Variants in CYP4F11 observed in about 807,000 individuals in gnomAD.
CYP4F11 encodes the protein cytochrome P450 4F11.
CYP4F11 carries 79 observed loss-of-function variants against 62.2 expected under a neutral mutation model. That is an observed-to-expected ratio of 1.27 (90% CI 1.06 to 1.53). The LOEUF (loss-of-function observed/expected upper bound fraction) is 1.53, where lower values mean the gene tolerates loss of function less well. CYP4F11 is among the 40% of genes most tolerant of loss of function. CYP4F11 has a pLI of 0.00. For missense variants in CYP4F11, 777 were observed against 680.5 expected, an observed-to-expected ratio of 1.14 and a Z score of -1.58; for synonymous variants, 290 against 263.7, an observed-to-expected ratio of 1.10 and a Z score of -0.97.
rs1555776572 is a variant in CYP4F11, at chr19:15,912,733, G to GTGTGTGTGTGTA, written c.*998_*999insTACACACACACA. ...TGTGTGTGTGTGTGTGTGTGTGTGT[G>GTGTGTGTGTGTA]TATATGTATATATGTGTGTGTGTGT... is the stretch of plus-strand genomic sequence containing the variant. On this transcript the variant is annotated 3_prime_UTR_variant, in exon 12 of 12. Coordinates refer to ENST00000402119, the MANE Select transcript of CYP4F11 (RefSeq NM_021187.4). 1 of 52,214 alleles carries GTGTGTGTGTGTA rather than the reference G, an allele frequency of 1.9e-5. No individual in the cohort carries two copies. The highest frequency in any genetic ancestry group is 3.4e-5 in the Non-Finnish European group (1 of 29,668). The allele number at this position is 52,214 out of a possible 1,614,324, so 3.2% of individuals were successfully genotyped here. A position where few individuals can be genotyped will look rare whatever the true frequency, so the allele number is the denominator to read the frequency against.
chr19:15,919,261 A>G (rs887487729), intron 8 of CYP4F11, among the ~76,000 whole-genome samples: 2 of 148,302 alleles, frequency 1.3e-5, no homozygotes, highest in Non-Finnish European at 3.0e-5. Flanking sequence ...ATTAAAATAT[A>G]TAAATATGTA....
In CYP4F11 at chr19:15,914,321, A is replaced by G. The variant is rs745417991; in HGVS notation, c.1381T>C (p.Phe461Leu). Residue 461 changes from phenylalanine to leucine, a missense_variant, in exon 11 of 12, where the codon TTC (phenylalanine) becomes CTC (leucine). Phe to Leu is a conservative substitution (Grantham distance 22). Transcript: ENST00000402119. Reference protein sequence around the residue: ...KERSPLAFIPFSAGPRNCIGQ... With the variant: ...KERSPLAFIPLSAGPRNCIGQ... ...CATCCTTACCTGGGCCCTGCCGAGA[A>G]GGGAATAAAAGCCAGAGGTGACCTC... The G allele has an allele frequency of 6.2e-7, 1 of 1,614,028 alleles. No individual in the cohort carries two copies. The highest frequency in any genetic ancestry group is 8.5e-7 in the Non-Finnish European group (1 of 1,179,956).
intron 1 of CYP4F11, among the ~76,000 whole-genome samples, chr19:15,931,396 C>G (rs1471876262): frequency 1.3e-5 from 2 of 151,838 alleles, no homozygotes; most frequent in Non-Finnish European, 2.9e-5. Flanking sequence ...GATCTTTGCT[C>G]TGTGCACCCA....
Position 15,923,964 on chromosome 19 carries a change from A to G in CYP4F11, c.766T>C (p.Phe256Leu). The G allele has an allele frequency of 7.4e-6, 12 of 1,614,184 alleles. No homozygotes were observed. The highest frequency in any genetic ancestry group is 1.0e-5 in the Non-Finnish European group (12 of 1,180,026). Residue 256 changes from phenylalanine (F) to leucine (L), a missense_variant, in exon 6 of 12, where the codon TTC (phenylalanine) becomes CTC (leucine). By Grantham distance (22) the Phe-to-Leu change is conservative. Transcript: ENST00000402119. ...LYYLTPDGQR[F>L]RRACHLVHDF... ...TGCACCAGGTGGCAGGCCCTGCGGAAGCGCTGCCCATCAGGAGTGAGATAA... is the reference window on the plus strand; with the variant it reads ...TGCACCAGGTGGCAGGCCCTGCGGAGGCGCTGCCCATCAGGAGTGAGATAA...
intron 4 of CYP4F11, among the ~76,000 whole-genome samples, chr19:15,925,920 T>G (rs2089665612): frequency 6.6e-6 from 1 of 151,568 alleles, no homozygotes; most frequent in Non-Finnish European, 1.5e-5. Context: ...ATTCCAACAC[T>G]TTGGGAGGCC....
intron 2 of CYP4F11, among the ~76,000 whole-genome samples, chr19:15,929,190 G>A (rs2089691694): frequency 6.6e-6 from 1 of 152,156 alleles, no homozygotes; most frequent in African/African-American, 2.4e-5. Context: ...CAAGCACGGG[G>A]CTTTCTCGAG....
chr19:15,913,684 T>G lies in CYP4F11; in HGVS notation c.*48A>C. The stretch of plus-strand genomic sequence containing the variant: ...CGAGGCTCAAGCAGAGGTGTCAGCA[T>G]AGTTTTGTTTCTGGGACTCTACAGA... On this transcript the variant is annotated 3_prime_UTR_variant, in exon 12 of 12. Coordinates refer to ENST00000402119, the MANE Select transcript of CYP4F11 (RefSeq NM_021187.4). 1 of 1,609,432 alleles carries G rather than the reference T, an allele frequency of 6.2e-7. No individual in the cohort carries two copies. The highest frequency in any genetic ancestry group is 8.5e-7 in the Non-Finnish European group (1 of 1,176,536).
rs370901358 is a variant in CYP4F11 at position 15,934,297 on chromosome 19, T to C, written c.112A>G (p.Thr38Ala). Residue 38 changes from threonine to alanine, a missense_variant, in exon 1 of 12, where the codon ACC (threonine) becomes GCC (alanine). Coordinates refer to ENST00000402119, the MANE Select transcript of CYP4F11 (RefSeq NM_021187.4). The part of the protein sequence containing the change: ...SWLLARVLAW[T>A]YTFYDNCRRL... ...CGGCAGTTGTCATAGAAGGTGTAGG[T>C]CCAGGCCAGGACGCGGGCCAGGAGC... The C allele has an allele frequency of 8.7e-6, 14 of 1,613,382 alleles. No individual in the cohort carries two copies. The African/African-American group carries it at 1.6e-4, about 18-fold the overall frequency.
Position 15,914,342 on chromosome 19 carries a change from A to G in CYP4F11, c.1360T>C (p.Ser454Pro), listed in dbSNP as rs2089563922. 1 of 1,613,688 alleles carries G rather than the reference A, an allele frequency of 6.2e-7. No homozygotes were observed. The highest frequency in any genetic ancestry group is 1.1e-5 in the South Asian group (1 of 91,048). Residue 454 changes from serine (S) to proline (P), a missense_variant, in exon 11 of 12, where the codon TCA becomes CCA. Ser to Pro is a moderately conservative substitution (Grantham distance 74). Coordinates refer to ENST00000402119, the MANE Select transcript of CYP4F11 (RefSeq NM_021187.4). ...GAGAAGGGAATAAAAGCCAGAGGTG[A>G]CCTCTCCTTGATGTTCTCTTGGTCG... The part of the protein sequence containing the change: ...RFDQENIKER[S>P]PLAFIPFSAG...
rs1568479738 is a variant in CYP4F11, at chr19:15,912,785, A to ATGTGTGTGTG, written c.*946_*947insCACACACACA. 97 of 25,812 alleles carry ATGTGTGTGTG rather than the reference A, an allele frequency of 3.8e-3. 12 individuals are homozygous for ATGTGTGTGTG. The highest frequency in any genetic ancestry group is 0.015 in the African/African-American group (93 of 6,034). 1.6% of individuals were successfully genotyped at this position (25,812 alleles called of 1,614,324 possible). A position where few individuals can be genotyped will look rare whatever the true frequency, so the allele number is the denominator to read the frequency against. ...TGTGTGTGTGTGTATATATATATAT[A>ATGTGTGTGTG]TATAATATATATATATATATACATA... On this transcript the variant is annotated 3_prime_UTR_variant, in exon 12 of 12. Coordinates refer to ENST00000402119, the MANE Select transcript of CYP4F11 (RefSeq NM_021187.4).
chr19:15,927,548 G>A (rs1362867939), intron 2 of CYP4F11, 65 bp from the exon 3 acceptor site: 3 of 1,604,004 alleles, frequency 1.9e-6, no homozygotes, highest in Admixed American at 1.7e-5. Flanking sequence ...GGGTATGGAG[G>A]AATGCTCCCA....
rs1322079481 is a variant in CYP4F11 at position 15,914,663 on chromosome 19, A to G, written c.1253T>C (p.Ile418Thr). ...LPDGRVIPKG[I>T]VCLINIIGIH... Reference sequence around the variant, plus strand: ...CCCGATAATATTGATGAGGCAGACAATGCCTGTGGGAGAGAAGAGGGCAGT... The same window carrying G: ...CCCGATAATATTGATGAGGCAGACAGTGCCTGTGGGAGAGAAGAGGGCAGT... The change falls in exon 10 of 12, where the codon ATT (isoleucine) becomes ACT (threonine). Residue 418 changes from isoleucine (I) to threonine (T), a missense_variant. Ile to Thr is a moderately conservative substitution (Grantham distance 89). Transcript: ENST00000402119. The G allele has an allele frequency of 3.1e-6, 5 of 1,614,090 alleles. No individual in the cohort carries two copies. The African/African-American group carries it at 6.7e-5, about 22-fold the overall frequency.
At chr19:15,917,620 T>C (rs2089592992) in intron 8 of CYP4F11, among the ~76,000 whole-genome samples, 1 of 152,084 alleles carries the variant, frequency 6.6e-6, no homozygotes, top group Admixed American at 6.5e-5. Flanking sequence ...AAAGAAAATG[T>C]GGACAAAATT....
chr19:15,926,561 G>A (rs1436507057), intron 4 of CYP4F11, among the ~76,000 whole-genome samples: 6 of 152,198 alleles, frequency 3.9e-5, no homozygotes. Flanking sequence ...CCTAAGCCTG[G>A]TTGAACTTTG....
chr19:15,934,156 C>T (rs2089756500), intron 1 of CYP4F11, 55 bp downstream of exon 1: 5 of 1,581,990 alleles, frequency 3.2e-6, no homozygotes, highest in Non-Finnish European at 4.3e-6. Flanking sequence ...CATTCCTGCC[C>T]CTCAGGAACT....
At position 15,920,441 on chromosome 19, in the gene CYP4F11, T is replaced by C. The variant is rs1229803949; in HGVS notation, c.1115+1596A>G. Reference sequence around the variant, plus strand: ...CTGCCAGAGTGAGGAGTGTGAGGCTTAAGAAGGAAGCTCATTTTTTATCAA... The same window carrying C: ...CTGCCAGAGTGAGGAGTGTGAGGCTCAAGAAGGAAGCTCATTTTTTATCAA... On this transcript the variant is annotated intron_variant, in intron 8 of 11. Transcript: ENST00000402119. Among the ~76,000 whole-genome samples, 3 of 152,342 alleles carry C rather than the reference T, an allele frequency of 2.0e-5. No homozygotes were observed. The East Asian group carries it at 5.8e-4, about 29-fold the overall frequency.
Position 15,924,881 on chromosome 19 carries a change from T to A in CYP4F11, c.527A>T (p.Asp176Val). Residue 176 changes from aspartate to valine, a missense_variant and splice_region_variant, in exon 5 of 12, where the codon GAC (aspartate) becomes GTC (valine). Asp to Val is a radical substitution (Grantham distance 152, BLOSUM62 -3). Transcript: ENST00000402119. ...IFNKSVNIMH[D>V]KWQRLASEGS... ...CTCTGAGGCCAGGCGCTGCCACTTG[T>A]CCTGGCCAGAGAAAAAACAGAGCCA... The A allele has an allele frequency of 6.2e-7, 1 of 1,608,538 alleles. No homozygotes were observed. The highest frequency in any genetic ancestry group is 1.1e-5 in the South Asian group (1 of 90,590).
intron 2 of CYP4F11, among the ~76,000 whole-genome samples, chr19:15,929,236 G>T (rs1254207214): frequency 3.3e-5 from 5 of 152,188 alleles, no homozygotes; most frequent in East Asian, 1.9e-4. Flanking sequence ...TGGAGCCCCA[G>T]TGGTGCCCAG....
Position 15,923,377 on chromosome 19 carries a change from C to T in CYP4F11, c.918+435G>A, listed in dbSNP as rs1178831188. 5.9e-5 allele frequency among the ~76,000 whole-genome samples: 9 copies of T among 152,180 alleles called. No homozygotes were observed. In the East Asian group the frequency reaches 1.5e-3, roughly 26 times the overall value. On this transcript the variant is annotated intron_variant, in intron 6 of 11. Coordinates refer to ENST00000402119, the MANE Select transcript of CYP4F11 (RefSeq NM_021187.4). The stretch of plus-strand genomic sequence containing the variant: ...AAGATGTATACTGTGGGGCCCCTCT[C>T]TGCAGTGCATTCTGGTGTATTTACA...
Sources: gnomAD v4.1 joint callset for allele counts (sites outside exome capture counted in the v4.1 genomes callset) on GRCh38, gnomAD v4.1.1 for gene constraint, MANE v1.5 for transcripts, NCBI Gene and HGNC (gene_info 2026-07-23, HGNC 2026-07-21) for gene names.